ASH1L: variants seen among roughly 807,000 people sequenced by gnomAD.
The protein encoded by ASH1L is ASH1 like histone lysine methyltransferase.
In ASH1L, 23 loss-of-function variants were observed where a neutral mutation model predicts 269.0. That is an observed-to-expected ratio of 0.09 (90% CI 0.06 to 0.12). ASH1L has a LOEUF of 0.12. Among genes scored for constraint, ASH1L ranks in the 10% least tolerant of loss-of-function variants. The pLI is 1.00. For missense variants in ASH1L, 2,912 were observed against 3,567.8 expected (o/e 0.82, Z 4.68); for synonymous variants, 1,187 against 1,253.5 (o/e 0.95, Z 1.12).
intron 2 of ASH1L, among the ~76,000 whole-genome samples, chr1:155,487,833 A>G (rs1022741476): frequency 4.6e-5 from 7 of 151,878 alleles, no homozygotes; most frequent in African/African-American, 7.3e-5. Context: ...AAAGTAAAGT[A>G]GAAACATATT....
chr1:155,408,910 A>C (rs1558073029), intron 6 of ASH1L, among the ~76,000 whole-genome samples: 3 of 152,142 alleles, frequency 2.0e-5, no homozygotes, highest in Non-Finnish European at 2.9e-5. Flanking sequence ...AGGTATTCAA[A>C]AAAACAAAAC....
intron 1 of ASH1L, among the ~76,000 whole-genome samples, chr1:155,560,847 T>C (rs368866119): frequency 9.2e-5 from 14 of 152,246 alleles, no homozygotes; most frequent in South Asian, 8.3e-4. Flanking sequence ...AATAATATAG[T>C]CATGGATATG....
chr1:155,472,970 A>G (rs1665220896), intron 3 of ASH1L, among the ~76,000 whole-genome samples: 1 of 152,158 alleles, frequency 6.6e-6, no homozygotes. Context: ...CATTACTCTC[A>G]TGATTATACA....
At chr1:155,395,376 T>C in intron 7 of ASH1L, 83 bp downstream of exon 7, 1 of 1,017,614 alleles carries the variant, frequency 9.8e-7, no homozygotes, top group Non-Finnish European at 1.4e-6. Context: ...ATAGAAATAA[T>C]AACAAGATTA....
chr1:155,560,755 C>T (rs975934992), intron 1 of ASH1L, among the ~76,000 whole-genome samples: 1 of 152,216 alleles, frequency 6.6e-6, no homozygotes, highest in African/African-American at 2.4e-5. Context: ...TGCTCTGGTA[C>T]AAGTTAAGCT....
At chr1:155,521,801 A>G (rs920674155) in intron 1 of ASH1L, among the ~76,000 whole-genome samples, 183 bp from the exon 2 acceptor site, 2 of 152,232 alleles carry the variant, frequency 1.3e-5, no homozygotes, top group African/African-American at 4.8e-5. Context: ...AAAATTCAGA[A>G]TAAGTTTATC....
At chr1:155,418,476 T>C (rs576207403) in intron 5 of ASH1L, among the ~76,000 whole-genome samples, 2 of 151,982 alleles carry the variant, frequency 1.3e-5, no homozygotes, top group Non-Finnish European at 2.9e-5. Flanking sequence ...GAATAAATTA[T>C]GTAAAGAATA....
At chr1:155,550,325 G>C (rs375040902) in intron 1 of ASH1L, among the ~76,000 whole-genome samples, 2 of 152,082 alleles carry the variant, frequency 1.3e-5, no homozygotes, top group African/African-American at 4.8e-5. Flanking sequence ...GTCCACGATA[G>C]CCTCTGAACT....
intron 4 of ASH1L, among the ~76,000 whole-genome samples, chr1:155,455,099 C>A (rs1051771666): frequency 3.9e-5 from 6 of 152,052 alleles, no homozygotes; most frequent in African/African-American, 1.4e-4. Flanking sequence ...TTATAAAAAT[C>A]TTCAGTTATG....
At chr1:155,514,666 C>A (rs112449463) in intron 2 of ASH1L, among the ~76,000 whole-genome samples, 243 of 152,168 alleles carry the variant, frequency 1.6e-3, no homozygotes, top group African/African-American at 5.7e-3. Flanking sequence ...TTTGCAACAT[C>A]AACAACGCAT....
chr1:155,445,860 TTG>T (rs146021873), intron 4 of ASH1L, among the ~76,000 whole-genome samples: 71 of 151,622 alleles, frequency 4.7e-4, no homozygotes, highest in African/African-American at 1.4e-3. Flanking sequence ...AGTACATAGA[TTG>T]TGTGTGTGTG....
rs1403390460 is a variant in ASH1L, at chr1:155,341,945, T to G, written c.8451A>C (p.Lys2817Asn). Residue 2817 changes from lysine (K) to asparagine (N), a missense_variant, in exon 25 of 28, where the codon AAA (lysine) becomes AAC (asparagine). By Grantham distance (94) the Lys-to-Asn change is moderately conservative. This residue lies in a region of ASH1L where 179 missense variants were observed against 293.8 expected (regional missense o/e 0.61). Transcript: ENST00000392403. ...AAGGAAGGAGACTCACCGAGAAATC[T>G]TTTTTGGGAGTGAGCTTCTTGGGGA... ...DHFPKKLTPK[K>N]DFSPHYVPDN... is the part of the protein sequence containing the mutation. 1 of 1,613,742 alleles carries G rather than the reference T, an allele frequency of 6.2e-7. No homozygotes were observed.
At chr1:155,341,709 AAAAGAGG>A (rs750418984) in intron 25 of ASH1L, among the ~76,000 whole-genome samples, 16 of 152,164 alleles carry the variant, frequency 1.1e-4, no homozygotes, top group African/African-American at 1.4e-4. Flanking sequence ...GACGAAAGAG[AAAAGAGG>A]AAAGGTATAA....
At chr1:155,516,486 C>G (rs910947192) in intron 2 of ASH1L, among the ~76,000 whole-genome samples, 1 of 152,116 alleles carries the variant, frequency 6.6e-6, no homozygotes, top group Non-Finnish European at 1.5e-5. Context: ...TTGCAGGATA[C>G]AAAACCTACA....
chr1:155,354,967 C>G (rs1366883600), intron 15 of ASH1L, among the ~76,000 whole-genome samples: 1 of 152,182 alleles, frequency 6.6e-6, no homozygotes, highest in Non-Finnish European at 1.5e-5. Flanking sequence ...ACAAGGAGAA[C>G]TGGACTGGCA....
intron 1 of ASH1L, among the ~76,000 whole-genome samples, chr1:155,554,137 T>C (rs1316141695): frequency 2.7e-5 from 4 of 150,274 alleles, no homozygotes; most frequent in African/African-American, 2.5e-5. Flanking sequence ...CAGGCTGGAG[T>C]AGAGTGGTGC....
In ASH1L at chr1:155,542,345, C is replaced by T. The variant is rs1029456066; in HGVS notation, c.-100+19808G>A. 3.3e-5 allele frequency among the ~76,000 whole-genome samples: 5 copies of T among 152,122 alleles called. No homozygotes were observed. The South Asian group carries it at 6.2e-4, about 19-fold the overall frequency. The stretch of plus-strand genomic sequence containing the variant: ...CGGGCGGATCACGAGGTCAGGAGAT[C>T]GAGACCATCCTGGCTAACACAGTGA... On this transcript the variant is annotated intron_variant, in intron 1 of 27. Transcript: ENST00000392403.
At chr1:155,391,331 A>C (rs1363624513) in intron 7 of ASH1L, among the ~76,000 whole-genome samples, 1 of 152,216 alleles carries the variant, frequency 6.6e-6, no homozygotes, top group African/African-American at 2.4e-5. Context: ...TGTGTTTTAA[A>C]ATCAGACATA....
intron 3 of ASH1L, among the ~76,000 whole-genome samples, chr1:155,470,491 A>C (rs551303721): frequency 2.6e-5 from 4 of 151,872 alleles, no homozygotes; most frequent in Admixed American, 6.6e-5. Context: ...AAAAAAAAAA[A>C]CTGTCAATAA....
Sources: gnomAD v4.1 joint callset for allele counts (sites outside exome capture counted in the v4.1 genomes callset) on GRCh38, gnomAD v4.1.1 for gene constraint, gnomAD v4.1.1 regional missense constraint, MANE v1.5 for transcripts, NCBI Gene and HGNC (gene_info 2026-07-23, HGNC 2026-07-21) for gene names.